The following PRCC variants were observed in gnomAD, a reference collection of about 807,000 sequenced individuals.
The protein encoded by PRCC is proline-rich protein PRCC.
In PRCC, 10 loss-of-function variants were observed where a neutral mutation model predicts 44.0. The observed-to-expected ratio is 0.23, with a 90% confidence interval of 0.14 to 0.39. The LOEUF is 0.39. Ranked by LOEUF, PRCC falls within the 10% of genes least tolerant of loss-of-function variation. The pLI is 1.00. For missense variants in PRCC, 573 were observed against 624.7 expected (o/e 0.92, Z 0.88); for synonymous variants, 278 against 259.5 (o/e 1.07, Z -0.69).
intron 3 of PRCC, among the ~76,000 whole-genome samples, chr1:156,787,440 A>T (rs1652295647): frequency 8.5e-6 from 1 of 116,994 alleles, no homozygotes; most frequent in Non-Finnish European, 1.8e-5. Flanking sequence ...ATTTGTACAT[A>T]TTTGTGATTG....
At chr1:156,769,590 T>A (rs555704146) in intron 1 of PRCC, among the ~76,000 whole-genome samples, 66 of 152,114 alleles carry the variant, frequency 4.3e-4, no homozygotes, top group Non-Finnish European at 8.1e-4. Context: ...CCTTTTTTTT[T>A]TAAATTTTTT....
At chr1:156,787,650 C>CTT (rs56916626) in intron 3 of PRCC, among the ~76,000 whole-genome samples, 653 of 54,170 alleles carry the variant, frequency 0.012, 119 homozygotes, top group African/African-American at 0.056. Context: ...GGTTTTTGGC[C>CTT]TTTTTTTTTT....
At chr1:156,781,764 T>C (rs1024359177) in intron 1 of PRCC, among the ~76,000 whole-genome samples, 2 of 152,234 alleles carry the variant, frequency 1.3e-5, no homozygotes, top group African/African-American at 4.8e-5. Flanking sequence ...TCCAATGGCT[T>C]TGACCTTTAA....
At chr1:156,789,250 G>A (rs1336167862) in intron 3 of PRCC, among the ~76,000 whole-genome samples, 1 of 152,246 alleles carries the variant, frequency 6.6e-6, no homozygotes, top group Non-Finnish European at 1.5e-5. Flanking sequence ...GATTACAGGC[G>A]TGAGCCACCG....
At chr1:156,772,676 A>T (rs1651675959) in intron 1 of PRCC, among the ~76,000 whole-genome samples, 3 of 152,242 alleles carry the variant, frequency 2.0e-5, no homozygotes, top group Admixed American at 2.0e-4. Flanking sequence ...GTTTACCAAG[A>T]TAGTAGAAAA....
intron 1 of PRCC, among the ~76,000 whole-genome samples, chr1:156,772,019 T>C (rs571533070): frequency 9.8e-5 from 15 of 152,292 alleles, no homozygotes; most frequent in Middle Eastern, 3.4e-3. Flanking sequence ...ATTATGGGAC[T>C]GGTCAATTTT....
At chr1:156,778,980 A>G (rs1377803218) in intron 1 of PRCC, among the ~76,000 whole-genome samples, 1 of 149,804 alleles carries the variant, frequency 6.7e-6, no homozygotes, top group Non-Finnish European at 1.5e-5. Flanking sequence ...TTATATTTTT[A>G]GTAGAGACGG....
chr1:156,793,131 A>G (rs1352375041), intron 4 of PRCC, among the ~76,000 whole-genome samples: 7 of 152,202 alleles, frequency 4.6e-5, no homozygotes, highest in Non-Finnish European at 1.0e-4. Context: ...ACCTTTTCCC[A>G]GAAAGGTGTC....
intron 1 of PRCC, among the ~76,000 whole-genome samples, chr1:156,779,653 G>C (rs987457495): frequency 6.6e-6 from 1 of 152,206 alleles, no homozygotes; most frequent in Non-Finnish European, 1.5e-5. Context: ...ACAGGTGTAA[G>C]CCACCGGACT....
chr1:156,784,086 A>G (rs1652148256), intron 2 of PRCC, among the ~76,000 whole-genome samples: 1 of 151,980 alleles, frequency 6.6e-6, no homozygotes. Flanking sequence ...AGCTGGGACT[A>G]CAGGCACCCG....
chr1:156,771,875 G>A lies in PRCC; in HGVS notation c.468+3636G>A, dbSNP rs143665325. Reference sequence around the variant, plus strand: ...AAATATACTGTGGTACCTCAGAAGGGACCTGCATCAGGAACCTGAGATCTG... The same window carrying A: ...AAATATACTGTGGTACCTCAGAAGGAACCTGCATCAGGAACCTGAGATCTG... On this transcript the variant is annotated intron_variant, in intron 1 of 6. Coordinates refer to ENST00000271526, the MANE Select transcript of PRCC (RefSeq NM_005973.5). Among the ~76,000 whole-genome samples the A allele has an allele frequency of 8.1e-3, 1,235 of 152,128 alleles. 13 individuals carry two copies. The highest frequency in any genetic ancestry group is 0.027 in the Middle Eastern group (8 of 294).
At chr1:156,790,941 G>A (rs906974549) in intron 3 of PRCC, 1 of 503,574 alleles carries the variant, frequency 2.0e-6, no homozygotes, top group African/African-American at 2.0e-5. Context: ...ATTTCTTGGA[G>A]TTTAAGACGA....
intron 1 of PRCC, among the ~76,000 whole-genome samples, chr1:156,776,154 G>A (rs1190902933): frequency 1.3e-5 from 2 of 152,216 alleles, no homozygotes; most frequent in African/African-American, 4.8e-5. Context: ...ACAGGAATTT[G>A]AGATCAGCCT....
intron 2 of PRCC, among the ~76,000 whole-genome samples, chr1:156,784,248 TG>T (rs919396968): frequency 6.6e-6 from 1 of 152,110 alleles, no homozygotes; most frequent in African/African-American, 2.4e-5. Context: ...CGCCCGGCCC[TG>T]GTGTTTGTAT....
chr1:156,768,952 A>G (rs1651522110), intron 1 of PRCC, among the ~76,000 whole-genome samples: 1 of 152,142 alleles, frequency 6.6e-6, no homozygotes, highest in Non-Finnish European at 1.5e-5. Context: ...TCATTTAGCT[A>G]TGGTCAAAGC....
At chr1:156,779,902 T>G (rs1651991969) in intron 1 of PRCC, among the ~76,000 whole-genome samples, 1 of 151,084 alleles carries the variant, frequency 6.6e-6, no homozygotes, top group Non-Finnish European at 1.5e-5. Context: ...GTCTATTTTT[T>G]TTTTTTTGAG....
chr1:156,798,314 T>C (rs969552640), intron 6 of PRCC, among the ~76,000 whole-genome samples: 3 of 150,552 alleles, frequency 2.0e-5, no homozygotes, highest in Non-Finnish European at 4.4e-5. Flanking sequence ...TTCACAAATT[T>C]CCTTTTTTTT....
chr1:156,783,947 ATT>A (rs71080797), intron 2 of PRCC, among the ~76,000 whole-genome samples: 1 of 144,728 alleles, frequency 6.9e-6, no homozygotes, highest in Non-Finnish European at 1.5e-5. Flanking sequence ...TATTTATTTA[ATT>A]TTTTTTTTTT....
intron 2 of PRCC, among the ~76,000 whole-genome samples, chr1:156,782,707 A>G (rs1434126443): frequency 6.6e-6 from 1 of 152,194 alleles, no homozygotes; most frequent in East Asian, 1.9e-4. Flanking sequence ...CTGGAAAATA[A>G]GCACTTAAAT....
Sources: gnomAD v4.1 joint callset for allele counts (sites outside exome capture counted in the v4.1 genomes callset) on GRCh38, gnomAD v4.1.1 for gene constraint, MANE v1.5 for transcripts, NCBI Gene and HGNC (gene_info 2026-07-23, HGNC 2026-07-21) for gene names.